INPP5F: variants seen among roughly 807,000 people sequenced by gnomAD.
INPP5F encodes phosphatidylinositide 4-phosphatase SAC2.
INPP5F carries 97 observed loss-of-function variants against 137.2 expected under a neutral mutation model. The ratio of observed to expected loss-of-function variants is 0.71; its 90% CI spans 0.60 to 0.84. The LOEUF (loss-of-function observed/expected upper bound fraction) is 0.84, where lower values mean the gene tolerates loss of function less well. Ranked by LOEUF, INPP5F falls within the 40% of genes least tolerant of loss-of-function variation. The probability of loss-of-function intolerance (pLI) is 0.00; values close to 1 mark genes in which losing one functional copy is unlikely to be tolerated. For synonymous variants in INPP5F, 504 were observed against 476.9 expected (o/e 1.06, Z -0.74); for missense variants, 1,271 against 1,371.9 (o/e 0.93, Z 1.16).
chr10:119,787,861 AG>A lies in INPP5F; in HGVS notation c.316-3654del, dbSNP rs1849980852. ...ATCCTGGGGCCATGCTTAGCACTTG[AG>A]GCCTGGTGCTCAGGTGGAACTCCCT... On this transcript the variant is annotated intron_variant, in intron 3 of 19. Transcript: ENST00000650623. This position sits in a 1 kb window ranked among gnomAD's most constrained non-coding sequence, Gnocchi z 4.1. 6.6e-6 allele frequency among the ~76,000 whole-genome samples: 1 copy of A among 152,238 alleles called. No homozygotes were observed. The highest frequency in any genetic ancestry group is 1.9e-4 in the East Asian group (1 of 5,172).
chr10:119,804,582 A>T (rs997979691), intron 10 of INPP5F, among the ~76,000 whole-genome samples: 1 of 151,998 alleles, frequency 6.6e-6, no homozygotes, highest in Non-Finnish European at 1.5e-5. Context: ...AACTGATGGC[A>T]TTGCCTTTCT....
intron 2 of INPP5F, among the ~76,000 whole-genome samples, chr10:119,765,576 T>G (rs1202998400): frequency 1.3e-5 from 2 of 149,802 alleles, no homozygotes; most frequent in African/African-American, 4.9e-5. Context: ...GAGATGGGGT[T>G]TTGCTATGTT....
chr10:119,819,593 T>C, intron 15 of INPP5F: 2 of 1,421,296 alleles, frequency 1.4e-6, no homozygotes, highest in East Asian at 2.4e-5. Context: ...GGTATTATTC[T>C]CTATGAAGCT....
intron 19 of INPP5F, among the ~76,000 whole-genome samples, chr10:119,824,432 G>A (rs1308000944): frequency 6.6e-6 from 1 of 152,132 alleles, no homozygotes; most frequent in Non-Finnish European, 1.5e-5. Flanking sequence ...GGTTTGTCCA[G>A]TGTTCTTTCC....
At chr10:119,756,950 C>T (rs1230846496) in intron 2 of INPP5F, among the ~76,000 whole-genome samples, 1 of 150,546 alleles carries the variant, frequency 6.6e-6, no homozygotes, top group Non-Finnish European at 1.5e-5. Context: ...TTTTGGGTTG[C>T]AAGACCTCTT....
In INPP5F at chr10:119,826,847, A is replaced by G; in HGVS notation, c.2466A>G (p.Val822=). The G allele has an allele frequency of 6.2e-7, 1 of 1,613,846 alleles. No homozygotes were observed. Residue 822 remains valine, a synonymous_variant, in exon 20 of 20, where the codon GTA becomes GTG. Coordinates refer to ENST00000650623, the MANE Select transcript of INPP5F (RefSeq NM_014937.4). The stretch of plus-strand genomic sequence containing the variant: ...ACTTTCTAAAACCAAACTTAAAAGT[A>G]AATCTTTGGAAATCAGATAGTAGTC... ...KVNFLKPNLK[V]NLWKSDSSLE...
chr10:119,823,418 C>T (rs1170384539), intron 18 of INPP5F, among the ~76,000 whole-genome samples: 1 of 152,118 alleles, frequency 6.6e-6, no homozygotes, highest in Non-Finnish European at 1.5e-5. Flanking sequence ...GAATCTTTAG[C>T]GGGGATTCTC....
chr10:119,786,942 TGG>T (rs34350319), intron 3 of INPP5F, among the ~76,000 whole-genome samples: 9,772 of 152,208 alleles, frequency 0.064, 423 homozygotes, highest in South Asian at 0.25. Flanking sequence ...CTGAACTTCT[TGG>T]GGGGCCATAT....
chr10:119,793,720 C>G (rs1850227591), intron 6 of INPP5F: 1 of 152,250 alleles, frequency 6.6e-6, no homozygotes, highest in Non-Finnish European at 1.5e-5. Context: ...GATCTCAGCC[C>G]ACTGCAACTT....
intron 15 of INPP5F, chr10:119,819,525 A>G (rs1222303673): frequency 2.5e-6 from 4 of 1,604,422 alleles, no homozygotes; most frequent in East Asian, 4.5e-5. Context: ...TCAAGCAACA[A>G]TTTTCAGAGT....
At chr10:119,791,087 C>T (rs1850126332) in intron 3 of INPP5F, among the ~76,000 whole-genome samples, 1 of 152,226 alleles carries the variant, frequency 6.6e-6, no homozygotes, top group African/African-American at 2.4e-5. Flanking sequence ...ATCTTCTCAA[C>T]CAAAACACTC....
At chr10:119,798,157 TAA>T (rs971793550) in intron 8 of INPP5F, among the ~76,000 whole-genome samples, 1 of 151,970 alleles carries the variant, frequency 6.6e-6, no homozygotes, top group African/African-American at 2.4e-5. Context: ...AGCTTGATTT[TAA>T]AAAAAATGTT....
intron 1 of INPP5F, among the ~76,000 whole-genome samples, chr10:119,739,820 A>G (rs1480649734): frequency 6.6e-6 from 1 of 151,902 alleles, no homozygotes; most frequent in African/African-American, 2.4e-5. Flanking sequence ...GTGTTTTGCC[A>G]TGTTGCCCAG....
intron 15 of INPP5F, among the ~76,000 whole-genome samples, chr10:119,813,517 C>T (rs1353570686): frequency 2.6e-5 from 4 of 151,996 alleles, no homozygotes; most frequent in East Asian, 3.9e-4. Flanking sequence ...CCCAGCTACT[C>T]GGGAGGCTGA....
chr10:119,754,462 AATACC>A (rs1848777658), intron 2 of INPP5F, among the ~76,000 whole-genome samples: 2 of 152,302 alleles, frequency 1.3e-5, no homozygotes, highest in South Asian at 4.1e-4. Context: ...AGGCAGTGAG[AATACC>A]TGTGATGTAG....
chr10:119,795,123 G>T (rs1341871509), intron 6 of INPP5F, among the ~76,000 whole-genome samples: 1 of 144,802 alleles, frequency 6.9e-6, no homozygotes, highest in East Asian at 2.1e-4. Context: ...CTGGCCGGGC[G>T]GGGGGCTGAC....
intron 1 of INPP5F, among the ~76,000 whole-genome samples, chr10:119,746,564 C>T (rs1380159334): frequency 6.6e-6 from 1 of 152,064 alleles, no homozygotes; most frequent in Non-Finnish European, 1.5e-5. Context: ...TAGTTAACAA[C>T]TAACAGAGAT....
At chr10:119,785,286 GTTTTTT>G (rs71019717) in intron 3 of INPP5F, among the ~76,000 whole-genome samples, 3 of 106,228 alleles carry the variant, frequency 2.8e-5, no homozygotes, top group African/African-American at 1.1e-4. Flanking sequence ...CTGCCAGACT[GTTTTTT>G]TTTTTTTTTT....
chr10:119,772,705 A>G (rs1849402545), intron 2 of INPP5F, among the ~76,000 whole-genome samples: 1 of 152,088 alleles, frequency 6.6e-6, no homozygotes, highest in Admixed American at 6.5e-5. Flanking sequence ...GTGGGAATTT[A>G]ACTTTTTTTT....
Sources: gnomAD v4.1 joint callset for allele counts (sites outside exome capture counted in the v4.1 genomes callset) on GRCh38, gnomAD v4.1.1 for gene constraint, Gnocchi (gnomAD v3.1) non-coding constraint, MANE v1.5 for transcripts, NCBI Gene and HGNC (gene_info 2026-07-23, HGNC 2026-07-21) for gene names.